The following SLC39A11 variants were observed in gnomAD, a reference collection of about 807,000 sequenced individuals.
SLC39A11 encodes the protein zinc transporter ZIP11.
A neutral mutation model predicts 36.1 loss-of-function variants in SLC39A11; 33 were observed. That is an observed-to-expected ratio of 0.91 (90% CI 0.69 to 1.22). The LOEUF is 1.22. Among genes scored for constraint, SLC39A11 ranks in the 50% most tolerant of loss-of-function variants. The pLI is 0.00. For missense variants in SLC39A11, 432 were observed against 430.3 expected (o/e 1.00, Z -0.03); for synonymous variants, 166 against 170.3 (o/e 0.97, Z 0.20).
chr17:73,071,674 G>C (rs2060165916), intron 3 of SLC39A11, among the ~76,000 whole-genome samples: 1 of 152,226 alleles, frequency 6.6e-6, no homozygotes, highest in Non-Finnish European at 1.5e-5. Flanking sequence ...GGGCCAGATA[G>C]TAAATATTTT....
intron 4 of SLC39A11, among the ~76,000 whole-genome samples, chr17:72,957,537 G>A (rs1240031210): frequency 4.6e-5 from 7 of 152,116 alleles, no homozygotes; most frequent in South Asian, 2.1e-4. Context: ...TTAAAATTTC[G>A]GCCAGGCGCC....
At chr17:72,821,216 A>C (rs537937860) in intron 6 of SLC39A11, among the ~76,000 whole-genome samples, 13 of 150,810 alleles carry the variant, frequency 8.6e-5, no homozygotes, top group African/African-American at 3.1e-4. Context: ...AAAAGGGGAA[A>C]TCTGGGCCAG....
At chr17:72,832,272 G>GACCAC (rs1035648604) in intron 6 of SLC39A11, among the ~76,000 whole-genome samples, 17 of 152,308 alleles carry the variant, frequency 1.1e-4, no homozygotes, top group African/African-American at 3.6e-4. Context: ...GTCTGAAATG[G>GACCAC]CTTGGAAGTC....
intron 4 of SLC39A11, among the ~76,000 whole-genome samples, chr17:72,958,679 C>T (rs573130108): frequency 8.6e-5 from 13 of 152,040 alleles, no homozygotes; most frequent in Non-Finnish European, 1.2e-4. Flanking sequence ...GGCGAAACCC[C>T]GTCTCTACTA....
At chr17:72,739,197 G>A (rs998729661) in intron 6 of SLC39A11, among the ~76,000 whole-genome samples, 8 of 150,996 alleles carry the variant, frequency 5.3e-5, no homozygotes, top group South Asian at 2.1e-4. Flanking sequence ...GTGCGATCTC[G>A]GCTCACTGCA....
intron 4 of SLC39A11, 85 bp downstream of exon 4, chr17:73,031,471 G>T: frequency 1.4e-6 from 2 of 1,425,036 alleles, no homozygotes; most frequent in Non-Finnish European, 2.0e-6. Context: ...ACATTAACAG[G>T]TATGTCAGGT....
intron 3 of SLC39A11, among the ~76,000 whole-genome samples, chr17:73,081,670 C>CACATATATGTATATATGTATGTAT (rs2060523492): frequency 9.7e-5 from 8 of 82,228 alleles, no homozygotes; most frequent in Non-Finnish European, 1.6e-4. Context: ...CACACACACA[C>CACATATATGTATATATGTATGTAT]ATATATATAC....
intron 4 of SLC39A11, among the ~76,000 whole-genome samples, chr17:72,956,731 T>G (rs1187744655): frequency 1.3e-5 from 2 of 152,186 alleles, no homozygotes; most frequent in African/African-American, 4.8e-5. Flanking sequence ...AGCTGGTGTT[T>G]ATCAATAAAG....
intron 6 of SLC39A11, among the ~76,000 whole-genome samples, chr17:72,752,888 C>T (rs993720890): frequency 6.6e-6 from 1 of 152,178 alleles, no homozygotes; most frequent in South Asian, 2.1e-4. Flanking sequence ...ATAGGTCTCA[C>T]TCTGTGGCCC....
intron 7 of SLC39A11, among the ~76,000 whole-genome samples, chr17:72,734,170 A>G (rs1019137357): frequency 3.3e-5 from 5 of 152,180 alleles, no homozygotes; most frequent in Non-Finnish European, 7.3e-5. Flanking sequence ...AAAGGCAGAG[A>G]AAGCTAACAA....
chr17:72,736,531 G>C, intron 7 of SLC39A11, 119 bp downstream of exon 7: 1 of 829,590 alleles, frequency 1.2e-6, no homozygotes, highest in South Asian at 1.4e-5. Flanking sequence ...CATCAGTCTT[G>C]GTCCTGTGGG....
intron 7 of SLC39A11, among the ~76,000 whole-genome samples, chr17:72,666,741 G>T (rs969997210): frequency 6.6e-6 from 1 of 152,154 alleles, no homozygotes; most frequent in Non-Finnish European, 1.5e-5. Context: ...TTCAGGGCTC[G>T]TGAGAAATCC....
intron 5 of SLC39A11, among the ~76,000 whole-genome samples, chr17:72,855,416 T>C (rs1033799953): frequency 1.4e-4 from 21 of 152,166 alleles, no homozygotes; most frequent in Non-Finnish European, 3.1e-4. Context: ...AACATTCCCA[T>C]GGTATTATTG....
intron 3 of SLC39A11, among the ~76,000 whole-genome samples, chr17:73,063,971 T>C (rs987956759): frequency 2.0e-5 from 3 of 152,228 alleles, no homozygotes; most frequent in African/African-American, 7.2e-5. Flanking sequence ...GTATCTAATT[T>C]TTCCACACTC....
At chr17:72,936,372 A>G (rs1341549208) in intron 5 of SLC39A11, among the ~76,000 whole-genome samples, 4 of 138,032 alleles carry the variant, frequency 2.9e-5, no homozygotes, top group Non-Finnish European at 6.2e-5. Flanking sequence ...ACCACAGGGT[A>G]TAACTACAGG....
At chr17:72,780,877 C>A (rs1568080108) in intron 6 of SLC39A11, among the ~76,000 whole-genome samples, 1 of 152,170 alleles carries the variant, frequency 6.6e-6, no homozygotes, top group Non-Finnish European at 1.5e-5. Context: ...ATCCCAGCTA[C>A]TTGGGCGGCT....
intron 6 of SLC39A11, among the ~76,000 whole-genome samples, chr17:72,767,510 G>A (rs1385045319): frequency 6.6e-6 from 1 of 152,216 alleles, no homozygotes; most frequent in Admixed American, 6.5e-5. Context: ...AATGGAGACA[G>A]AATTTCATGT....
chr17:72,858,363 G>A (rs2079770993), intron 5 of SLC39A11, among the ~76,000 whole-genome samples: 1 of 152,178 alleles, frequency 6.6e-6, no homozygotes, highest in South Asian at 2.1e-4. Flanking sequence ...GTACCATGCT[G>A]TTTTGGTTAC....
At chr17:72,704,668 G>A (rs1046687348) in intron 7 of SLC39A11, among the ~76,000 whole-genome samples, 1 of 152,082 alleles carries the variant, frequency 6.6e-6, no homozygotes, top group African/African-American at 2.4e-5. Context: ...GAAGGACCAG[G>A]GGTATGAAGG....
Sources: gnomAD v4.1 joint callset for allele counts (sites outside exome capture counted in the v4.1 genomes callset) on GRCh38, gnomAD v4.1.1 for gene constraint, MANE v1.5 for transcripts, NCBI Gene and HGNC (gene_info 2026-07-23, HGNC 2026-07-21) for gene names.